COL5A2: variants seen among roughly 807,000 people sequenced by gnomAD.
COL5A2 encodes collagen alpha-2(V) chain.
In COL5A2, 23 loss-of-function variants were observed where a neutral mutation model predicts 208.2. That is an observed-to-expected ratio of 0.11 (90% CI 0.08 to 0.16). The LOEUF (loss-of-function observed/expected upper bound fraction) is 0.16, where lower values mean the gene tolerates loss of function less well. COL5A2 is among the 10% of genes least tolerant of loss of function. The pLI is 1.00. For missense variants in COL5A2, 1,590 were observed against 1,956.4 expected (o/e 0.81, Z 3.53); for synonymous variants, 625 against 628.5 (o/e 0.99, Z 0.08).
intron 1 of COL5A2, among the ~76,000 whole-genome samples, chr2:189,195,453 G>GA (rs1202080745): frequency 2.0e-5 from 3 of 151,974 alleles, no homozygotes; most frequent in Non-Finnish European, 4.4e-5. Flanking sequence ...CACAGAATTA[G>GA]AAAAAAATTA....
the COL5A2 span, among the ~76,000 whole-genome samples, chr2:189,279,487 A>G: frequency 7.9e-5 from 12 of 151,636 alleles, no homozygotes; most frequent in African/African-American, 2.9e-4. Flanking sequence ...AGATATATAC[A>G]CAATGTTGGC....
At chr2:189,247,584 T>TTA in the COL5A2 span, among the ~76,000 whole-genome samples, 6 of 116,738 alleles carry the variant, frequency 5.1e-5, no homozygotes, top group African/African-American at 2.6e-4. Flanking sequence ...AAAAAATTTC[T>TTA]TTTTTTTTTT....
At chr2:189,237,239 C>T in the COL5A2 span, among the ~76,000 whole-genome samples, 1 of 151,482 alleles carries the variant, frequency 6.6e-6, no homozygotes, top group Non-Finnish European at 1.5e-5. Flanking sequence ...ACACTATTTC[C>T]TCCACCATAT....
chr2:189,213,205 T>A (rs1257576839), intron 1 of COL5A2, among the ~76,000 whole-genome samples: 1 of 151,988 alleles, frequency 6.6e-6, no homozygotes, highest in Non-Finnish European at 1.5e-5. Flanking sequence ...ACTATATTTT[T>A]AAAAATCTTA....
chr2:189,034,868 A>G (rs764414746), intron 53 of COL5A2, 48 bp downstream of exon 53: 5 of 1,612,192 alleles, frequency 3.1e-6, no homozygotes, highest in Non-Finnish European at 4.2e-6. Flanking sequence ...TTTAACAAAA[A>G]TAATTTTTTT....
At chr2:189,359,221 G>C in the COL5A2 span, among the ~76,000 whole-genome samples, 2 of 152,034 alleles carry the variant, frequency 1.3e-5, no homozygotes, top group African/African-American at 4.8e-5. Flanking sequence ...TACAAATATG[G>C]TCTTTATTTT....
the COL5A2 span, among the ~76,000 whole-genome samples, chr2:189,337,079 T>G: frequency 2.0e-5 from 3 of 152,330 alleles, no homozygotes; most frequent in East Asian, 1.9e-4. Flanking sequence ...ATACAAGCAC[T>G]AATATTTAAA....
chr2:189,387,587 A>T, the COL5A2 span, among the ~76,000 whole-genome samples: 1 of 152,142 alleles, frequency 6.6e-6, no homozygotes, highest in African/African-American at 2.4e-5. Context: ...TTTACTTAGA[A>T]TTTTTGCATC....
At chr2:189,327,906 A>G in the COL5A2 span, among the ~76,000 whole-genome samples, 2 of 152,164 alleles carry the variant, frequency 1.3e-5, no homozygotes, top group South Asian at 2.1e-4. Context: ...ATATGTTGTA[A>G]TTTTCCAAAC....
chr2:189,272,859 TA>T, the COL5A2 span, among the ~76,000 whole-genome samples: 1 of 152,114 alleles, frequency 6.6e-6, no homozygotes, highest in Non-Finnish European at 1.5e-5. Flanking sequence ...GTAACACAGA[TA>T]TTTCAGAAAC....
At chr2:189,263,769 T>C in the COL5A2 span, among the ~76,000 whole-genome samples, 4 of 152,116 alleles carry the variant, frequency 2.6e-5, no homozygotes, top group Non-Finnish European at 5.9e-5. Flanking sequence ...TTGCCTAGAG[T>C]ATTCAGTACA....
chr2:189,068,748 G>C, intron 19 of COL5A2, 38 bp downstream of exon 19: 1 of 1,406,018 alleles, frequency 7.1e-7, no homozygotes, highest in Non-Finnish European at 1.0e-6. Flanking sequence ...GAAATGTCCA[G>C]CTTTCTGGGC....
chr2:189,161,375 G>T (rs776476062), intron 1 of COL5A2, among the ~76,000 whole-genome samples: 4 of 151,814 alleles, frequency 2.6e-5, no homozygotes, highest in Non-Finnish European at 5.9e-5. Flanking sequence ...AATCATCTTT[G>T]TGTCCCTATA....
the COL5A2 span, among the ~76,000 whole-genome samples, chr2:189,307,783 T>C: frequency 5.1e-4 from 78 of 152,188 alleles, no homozygotes; most frequent in Non-Finnish European, 9.7e-4. Flanking sequence ...GCTTTAAAGA[T>C]GAAAATATTG....
In COL5A2 at chr2:189,054,151, T is replaced by A; in HGVS notation, c.2445+8A>T. The A allele has an allele frequency of 6.2e-7, 1 of 1,613,478 alleles. No homozygotes were observed. The highest frequency in any genetic ancestry group is 2.2e-5 in the East Asian group (1 of 44,872). ...TTTGAGTGTACAAATTAACAACTTGTGACTTACCTTTTCTCCAGTAGGACC... is the reference window on the plus strand; with the variant it reads ...TTTGAGTGTACAAATTAACAACTTGAGACTTACCTTTTCTCCAGTAGGACC... On this transcript the variant is annotated splice_region_variant and intron_variant, in intron 36 of 53. Transcript: ENST00000374866.
intron 22 of COL5A2, 72 bp downstream of exon 22, chr2:189,066,657 C>A: frequency 1.4e-6 from 2 of 1,385,412 alleles, no homozygotes; most frequent in Non-Finnish European, 2.1e-6. Context: ...ATTTTAAACC[C>A]TTGAGCATTT....
At chr2:189,093,445 G>C (rs1213577611) in intron 6 of COL5A2, among the ~76,000 whole-genome samples, 1 of 152,152 alleles carries the variant, frequency 6.6e-6, no homozygotes, top group African/African-American at 2.4e-5. Context: ...ATTCAAATAG[G>C]AGCTGATAGT....
At chr2:189,241,505 A>G in the COL5A2 span, among the ~76,000 whole-genome samples, 2 of 152,216 alleles carry the variant, frequency 1.3e-5, no homozygotes, top group African/African-American at 4.8e-5. Context: ...ATGCCTGGGC[A>G]ACGTATTGAG....
In COL5A2 at chr2:189,036,648, A is replaced by G. The variant is rs761506002; in HGVS notation, c.4081T>C (p.Trp1361Arg). ...ASKSPDNKPVWYGLDMNRGSQ... is the reference protein window; with the variant it reads ...ASKSPDNKPVRYGLDMNRGSQ... ...CCTCTGTTCATATCAAGACCATACC[A>G]AACAGGTTTATTGTCAGGAGATTTA... The change falls in exon 52 of 54, where the codon TGG becomes CGG. Residue 1361 changes from tryptophan to arginine, a missense_variant. By Grantham distance (101) the Trp-to-Arg change is moderately radical (BLOSUM62 -3). Transcript: ENST00000374866. The G allele has an allele frequency of 4.3e-6, 7 of 1,613,770 alleles. No homozygotes were observed. The highest frequency in any genetic ancestry group is 4.2e-6 in the Non-Finnish European group (5 of 1,179,698).
Sources: allele counts gnomAD v4.1 joint callset (sites outside exome capture counted in the v4.1 genomes callset), GRCh38; gene constraint gnomAD v4.1.1; transcripts MANE v1.5; gene names NCBI Gene and HGNC (gene_info 2026-07-23, HGNC 2026-07-21).